The following USH2A variants were observed in gnomAD, a reference collection of about 807,000 sequenced individuals.
The protein encoded by USH2A is Usher syndrome 2A (autosomal recessive, mild).
USH2A carries 443 observed loss-of-function variants against 538.9 expected under a neutral mutation model. The observed-to-expected ratio is 0.82, with a 90% CI of 0.76 to 0.89. The LOEUF (loss-of-function observed/expected upper bound fraction) is 0.89, where lower values mean the gene tolerates loss of function less well. Ranked by LOEUF, USH2A falls within the 40% of genes least tolerant of loss-of-function variation. USH2A has a pLI of 0.00. For missense variants in USH2A, 6,633 were observed against 6,324.8 expected (o/e 1.05, Z -1.65); for synonymous variants, 2,413 against 2,273.5 (o/e 1.06, Z -1.75).
At chr1:216,288,946 TA>T (rs1339978157) in intron 11 of USH2A, among the ~76,000 whole-genome samples, 5 of 152,338 alleles carry the variant, frequency 3.3e-5, no homozygotes, top group Non-Finnish European at 1.5e-5. Flanking sequence ...TTGGAGAAAC[TA>T]TTCTTGTTTA....
chr1:215,636,691 C>G (rs1461600186), intron 69 of USH2A, among the ~76,000 whole-genome samples: 2 of 152,116 alleles, frequency 1.3e-5, no homozygotes, highest in South Asian at 2.1e-4. Context: ...AGGGAAATAG[C>G]CCTTAGAACA....
rs772624410 is a variant in USH2A, at chr1:216,321,956, G to T, written c.1571C>A (p.Ala524Asp). ...ISGRCQCHGH[A>D]DNCDTTSQPY... The stretch of plus-strand genomic sequence containing the variant: ...CTGGCTTGTTGTGTCGCAGTTATCG[G>T]CATGACCATGGCACTGACATCTGCA... Residue 524 changes from alanine to aspartate, a missense_variant, in exon 9 of 72, where the codon GCC (alanine) becomes GAC (aspartate). By Grantham distance (126) the Ala-to-Asp change is moderately radical. Coordinates refer to ENST00000307340, the MANE Select transcript of USH2A (RefSeq NM_206933.4). 4 of 1,613,672 alleles carry T rather than the reference G, an allele frequency of 2.5e-6. No individual in the cohort carries two copies. Among genetic ancestry groups the T allele is most frequent in the Non-Finnish European group, 3.4e-6 (4 of 1,179,852 alleles).
At chr1:215,655,021 C>A (rs1238846186) in intron 64 of USH2A, among the ~76,000 whole-genome samples, 1 of 152,170 alleles carries the variant, frequency 6.6e-6, no homozygotes, top group Non-Finnish European at 1.5e-5. Flanking sequence ...TCTTAGAAAT[C>A]TTCTTTTAAG....
chr1:216,042,635 T>A (rs543597136), intron 32 of USH2A, among the ~76,000 whole-genome samples: 3 of 152,034 alleles, frequency 2.0e-5, no homozygotes, highest in African/African-American at 7.2e-5. Flanking sequence ...AAACTGCCCA[T>A]AGAAGCTAAA....
Position 216,422,287 on chromosome 1 carries a change from A to G in USH2A, c.50T>C (p.Ile17Thr), listed in dbSNP as rs942541689. The change falls in exon 2 of 72, where the codon ATT (isoleucine) becomes ACT (threonine). Residue 17 changes from isoleucine to threonine, a missense_variant. Transcript: ENST00000307340. Reference protein sequence around the residue: ...SLGSGFLFQVIEMLIFAYFAS... With the variant: ...SLGSGFLFQVTEMLIFAYFAS... ...AAAATAGGCAAAGATCAACATTTCAATGACCTGAAACAAGAAGCCAGAGCC... is the reference window on the plus strand; with the variant it reads ...AAAATAGGCAAAGATCAACATTTCAGTGACCTGAAACAAGAAGCCAGAGCC... 9 of 1,613,682 alleles carry G rather than the reference A, an allele frequency of 5.6e-6. No individual in the cohort carries two copies. Among genetic ancestry groups the G allele is most frequent in the African/African-American group, 1.3e-5 (1 of 74,878 alleles).
At chr1:215,767,195 T>C (rs1340492946) in intron 55 of USH2A, among the ~76,000 whole-genome samples, 1 of 149,234 alleles carries the variant, frequency 6.7e-6, no homozygotes, top group Non-Finnish European at 1.5e-5. Flanking sequence ...ATGAAATCTT[T>C]CTATCACTTT....
intron 71 of USH2A, among the ~76,000 whole-genome samples, chr1:215,626,569 C>T (rs1656034012): frequency 6.6e-6 from 1 of 152,026 alleles, no homozygotes; most frequent in South Asian, 2.1e-4. Flanking sequence ...TTATAATAAA[C>T]AGATAACTTG....
intron 61 of USH2A, among the ~76,000 whole-genome samples, chr1:215,689,190 A>G (rs76590904): frequency 0.014 from 2,077 of 152,322 alleles, 78 homozygotes; most frequent in East Asian, 0.099. Flanking sequence ...CAAGATGTCA[A>G]GTAGACAGAC....
At chr1:215,771,851 A>T (rs1223851704) in intron 55 of USH2A, among the ~76,000 whole-genome samples, 2 of 152,084 alleles carry the variant, frequency 1.3e-5, no homozygotes, top group African/African-American at 2.4e-5. Context: ...GAGACTGCTT[A>T]ATAGGCCTAC....
At chr1:216,057,505 C>CAACAAA (rs1417258631) in intron 30 of USH2A, among the ~76,000 whole-genome samples, 2 of 151,266 alleles carry the variant, frequency 1.3e-5, no homozygotes, top group East Asian at 3.9e-4. Flanking sequence ...AAAATACCAA[C>CAACAAA]AACAAAAACA....
intron 61 of USH2A, among the ~76,000 whole-genome samples, chr1:215,689,703 A>G (rs1658538814): frequency 6.6e-6 from 1 of 152,222 alleles, no homozygotes; most frequent in Non-Finnish European, 1.5e-5. Flanking sequence ...TCTCTAGGAC[A>G]TGAGGGCCAA....
intron 61 of USH2A, among the ~76,000 whole-genome samples, chr1:215,688,686 C>G (rs1401511392): frequency 6.6e-6 from 1 of 152,096 alleles, no homozygotes; most frequent in African/African-American, 2.4e-5. Context: ...TGTGTGCATG[C>G]AGAGAGATAT....
intron 58 of USH2A, among the ~76,000 whole-genome samples, chr1:215,753,011 G>T (rs1660672476): frequency 2.0e-5 from 3 of 152,152 alleles, no homozygotes; most frequent in African/African-American, 7.2e-5. Context: ...GATATGAACA[G>T]ACACTTCTCA....
chr1:215,694,001 T>A (rs1259099332), intron 61 of USH2A, among the ~76,000 whole-genome samples: 1 of 152,216 alleles, frequency 6.6e-6, no homozygotes, highest in Non-Finnish European at 1.5e-5. Flanking sequence ...TAACTCTTGA[T>A]AAACACAGAC....
chr1:215,943,977 G>C (rs1048043098), intron 37 of USH2A, among the ~76,000 whole-genome samples: 2 of 152,122 alleles, frequency 1.3e-5, no homozygotes, highest in African/African-American at 4.8e-5. Flanking sequence ...TGGGTAGTGG[G>C]ATTTTAGTGG....
chr1:216,186,426 T>C (rs140846880), intron 20 of USH2A, among the ~76,000 whole-genome samples: 12 of 151,902 alleles, frequency 7.9e-5, no homozygotes, highest in African/African-American at 2.7e-4. Context: ...CCTTCTAGAA[T>C]TCTCTCTTCC....
At chr1:215,630,424 A>ATG (rs373848356) in intron 70 of USH2A, among the ~76,000 whole-genome samples, 4 of 147,850 alleles carry the variant, frequency 2.7e-5, no homozygotes, top group Non-Finnish European at 5.9e-5. Context: ...GTGTATATAT[A>ATG]TGTGTGTGTG....
intron 9 of USH2A, among the ~76,000 whole-genome samples, chr1:216,315,856 C>T (rs926047600): frequency 3.9e-5 from 6 of 152,024 alleles, no homozygotes; most frequent in African/African-American, 1.4e-4. Flanking sequence ...AAGTTCAATA[C>T]CATGTATTTC....
At chr1:215,946,196 T>C (rs1666753466) in intron 37 of USH2A, among the ~76,000 whole-genome samples, 1 of 152,144 alleles carries the variant, frequency 6.6e-6, no homozygotes, top group African/African-American at 2.4e-5. Context: ...TATTACAGAA[T>C]CACTCAGTAG....
Sources: allele counts gnomAD v4.1 joint callset (sites outside exome capture counted in the v4.1 genomes callset), GRCh38; gene constraint gnomAD v4.1.1; transcripts MANE v1.5; gene names NCBI Gene and HGNC (gene_info 2026-07-23, HGNC 2026-07-21).